ST7: variants seen among roughly 807,000 people sequenced by gnomAD.
The protein encoded by ST7 is suppression of tumorigenicity 7, also known as suppressor of tumorigenicity 7 protein.
A neutral mutation model predicts 78.7 loss-of-function variants in ST7; 28 were observed. The ratio of observed to expected loss-of-function variants is 0.36; its 90% CI spans 0.26 to 0.49. The LOEUF (loss-of-function observed/expected upper bound fraction) is 0.49. Ranked by LOEUF, ST7 falls within the 20% of genes least tolerant of loss-of-function variation. The pLI is 0.99. For synonymous variants in ST7, 247 were observed against 249.6 expected (o/e 0.99, Z 0.10); for missense variants, 418 against 696.0 (o/e 0.60, Z 4.49).
At chr7:116,990,199 G>A (rs1403637730) in intron 1 of ST7, among the ~76,000 whole-genome samples, 1 of 152,156 alleles carries the variant, frequency 6.6e-6, no homozygotes, top group African/African-American at 2.4e-5. Context: ...GCCTCCCAAA[G>A]TGCTGAGATT....
chr7:116,999,892 G>A (rs1794845341), intron 1 of ST7, among the ~76,000 whole-genome samples: 1 of 136,294 alleles, frequency 7.3e-6, no homozygotes, highest in South Asian at 2.4e-4. Context: ...CTCACTGCAA[G>A]CTTCATCTCC....
At chr7:117,191,045 C>A in intron 12 of ST7, 109 bp downstream of exon 12, 1 of 866,266 alleles carries the variant, frequency 1.2e-6, no homozygotes, top group African/African-American at 1.7e-5. Flanking sequence ...GAATTGCAAC[C>A]AACAAATGTT....
At chr7:117,001,279 A>G (rs116407147) in intron 1 of ST7, among the ~76,000 whole-genome samples, 467 of 152,344 alleles carry the variant, frequency 3.1e-3, no homozygotes, top group African/African-American at 0.011. Context: ...AGTATTATGT[A>G]GAAGAATGTA....
intron 7 of ST7, 32 bp downstream of exon 7, chr7:117,134,224 C>T: frequency 6.2e-7 from 1 of 1,610,504 alleles, no homozygotes; most frequent in Non-Finnish European, 8.5e-7. Flanking sequence ...TGCCCTACTT[C>T]TAACCAAATG....
At chr7:117,167,870 C>T (rs1307335970) in intron 9 of ST7, among the ~76,000 whole-genome samples, 2 of 152,030 alleles carry the variant, frequency 1.3e-5, no homozygotes, top group Admixed American at 6.6e-5. Context: ...AGGGTGTCCA[C>T]GGGAGCAATT....
intron 1 of ST7, among the ~76,000 whole-genome samples, chr7:117,086,855 C>T (rs946119335): frequency 6.6e-6 from 1 of 152,138 alleles, no homozygotes; most frequent in African/African-American, 2.4e-5. Flanking sequence ...GGTACAAATG[C>T]AAAGCCAAAC....
intron 3 of ST7, among the ~76,000 whole-genome samples, chr7:117,126,267 T>C (rs372316096): frequency 2.0e-5 from 3 of 152,100 alleles, no homozygotes; most frequent in East Asian, 3.9e-4. Context: ...CTATCTTTTT[T>C]TTAATTTTAG....
intron 10 of ST7, among the ~76,000 whole-genome samples, chr7:117,185,043 G>C (rs556677562): frequency 6.6e-6 from 1 of 152,294 alleles, no homozygotes; most frequent in East Asian, 1.9e-4. Context: ...TCATGGAGCA[G>C]GCAGCCTAAA....
At chr7:117,214,910 TTGTGTGTGTGTGTGTG>T (rs147915016) in intron 13 of ST7, among the ~76,000 whole-genome samples, 7 of 143,152 alleles carry the variant, frequency 4.9e-5, no homozygotes, top group Non-Finnish European at 7.7e-5. Flanking sequence ...GGAAGAACAT[TTGTGTGTGTGTGTGTG>T]TGTGTGTGTG....
At chr7:116,983,690 C>T (rs771965371) in intron 1 of ST7, among the ~76,000 whole-genome samples, 4 of 152,176 alleles carry the variant, frequency 2.6e-5, no homozygotes, top group South Asian at 2.1e-4. Context: ...GTCTCAGTGC[C>T]GCTACCAACC....
chr7:117,005,324 ATAT>A (rs1795113205), intron 1 of ST7, among the ~76,000 whole-genome samples: 1 of 152,180 alleles, frequency 6.6e-6, no homozygotes, highest in South Asian at 2.1e-4. Flanking sequence ...TTAAAATCTA[ATAT>A]TATTTTAACA....
chr7:117,025,212 T>C (rs1796126561), intron 1 of ST7, among the ~76,000 whole-genome samples: 1 of 152,218 alleles, frequency 6.6e-6, no homozygotes, highest in Admixed American at 6.5e-5. Context: ...TGGTGTGTGA[T>C]TTCTGTGAAT....
intron 1 of ST7, chr7:116,956,734 T>G (rs1325223442): frequency 2.3e-6 from 1 of 443,102 alleles, no homozygotes; most frequent in Non-Finnish European, 4.6e-6. Flanking sequence ...GTAAATGAGC[T>G]TAACTCGATT....
chr7:117,135,319 G>T (rs1377725077), intron 7 of ST7, among the ~76,000 whole-genome samples: 1 of 152,012 alleles, frequency 6.6e-6, no homozygotes, highest in Non-Finnish European at 1.5e-5. Context: ...TAAGTGCCTG[G>T]TACAGTGCTT....
chr7:116,980,871 C>T (rs1793928328), intron 1 of ST7, among the ~76,000 whole-genome samples: 1 of 152,196 alleles, frequency 6.6e-6, no homozygotes, highest in Non-Finnish European at 1.5e-5. Context: ...GGTACAGTGA[C>T]ACCATCTAAT....
chr7:116,983,585 C>T (rs1794056182), intron 1 of ST7, among the ~76,000 whole-genome samples: 2 of 152,106 alleles, frequency 1.3e-5, no homozygotes, highest in Admixed American at 1.3e-4. Flanking sequence ...CCACATGCAG[C>T]CTGCCCCCTG....
intron 13 of ST7, among the ~76,000 whole-genome samples, chr7:117,216,001 C>A (rs904272742): frequency 6.6e-6 from 1 of 151,886 alleles, no homozygotes; most frequent in African/African-American, 2.4e-5. Flanking sequence ...AAGAAGAGGT[C>A]ATTAGAAGTC....
At chr7:117,031,218 GA>G (rs1038937881) in intron 1 of ST7, among the ~76,000 whole-genome samples, 19 of 145,466 alleles carry the variant, frequency 1.3e-4, no homozygotes, top group Admixed American at 3.4e-4. Flanking sequence ...GAGAGGTTCA[GA>G]AAAAAAAAAC....
chr7:116,955,780 T>C (rs1792440443), intron 1 of ST7, among the ~76,000 whole-genome samples: 1 of 152,160 alleles, frequency 6.6e-6, no homozygotes, highest in Non-Finnish European at 1.5e-5. Context: ...AGGAAGGGCA[T>C]TGTTAGGTCT....
Sources: allele counts gnomAD v4.1 joint callset (sites outside exome capture counted in the v4.1 genomes callset), GRCh38; gene constraint gnomAD v4.1.1; transcripts MANE v1.5; gene names NCBI Gene and HGNC (gene_info 2026-07-23, HGNC 2026-07-21).